Variants in AGBL4 observed in about 807,000 individuals in gnomAD.
The protein encoded by AGBL4 is cytosolic carboxypeptidase 6.
Under a neutral mutation model 66.4 loss-of-function variants are expected in AGBL4, and 58 were observed. The observed-to-expected ratio is 0.87, with a 90% CI of 0.71 to 1.09. AGBL4 has a LOEUF of 1.09. Ranked by LOEUF, AGBL4 falls within the 50% of genes least tolerant of loss-of-function variation. The pLI, the probability that AGBL4 is intolerant of heterozygous loss-of-function variation, is 0.00. For missense variants in AGBL4, 579 were observed against 631.0 expected, an observed-to-expected ratio of 0.92 and a Z score of 0.88; for synonymous variants, 234 against 222.9, an observed-to-expected ratio of 1.05 and a Z score of -0.44.
intron 3 of AGBL4, among the ~76,000 whole-genome samples, chr1:49,286,051 G>T (rs772861677): frequency 1.8e-4 from 28 of 152,180 alleles, no homozygotes; most frequent in Non-Finnish European, 3.7e-4. Context: ...TGCAAGGCTG[G>T]TTCAATATAC....
At chr1:48,564,999 C>T (rs1644453913) in intron 11 of AGBL4, among the ~76,000 whole-genome samples, 1 of 152,200 alleles carries the variant, frequency 6.6e-6, no homozygotes, top group Admixed American at 6.5e-5. Context: ...TCTGTGCTGT[C>T]TCCTCCCCTT....
At chr1:49,931,216 T>C (rs1653316272) in intron 1 of AGBL4, among the ~76,000 whole-genome samples, 1 of 152,100 alleles carries the variant, frequency 6.6e-6, no homozygotes, top group South Asian at 2.1e-4. Flanking sequence ...ATCTCTATAT[T>C]ATAAACTACA....
At chr1:48,614,971 G>GTGA (rs1645295735) in intron 9 of AGBL4, among the ~76,000 whole-genome samples, 1 of 152,086 alleles carries the variant, frequency 6.6e-6, no homozygotes, top group Non-Finnish European at 1.5e-5. Flanking sequence ...ATTTACAGCT[G>GTGA]TGACAATGAC....
intron 4 of AGBL4, among the ~76,000 whole-genome samples, chr1:49,124,195 C>T (rs1645719641): frequency 6.6e-6 from 1 of 152,142 alleles, no homozygotes; most frequent in South Asian, 2.1e-4. Context: ...AAATTCTAAG[C>T]ATGTATCTGA....
chr1:49,540,655 T>C, intron 3 of AGBL4, among the ~76,000 whole-genome samples: 2 of 152,312 alleles, frequency 1.3e-5, no homozygotes, highest in South Asian at 4.1e-4. Flanking sequence ...TATATATATA[T>C]TGTTTTCCTT....
chr1:48,676,405 AGT>A (rs1646366085), intron 6 of AGBL4, among the ~76,000 whole-genome samples: 1 of 152,222 alleles, frequency 6.6e-6, no homozygotes. Context: ...CTGCTCTCTG[AGT>A]GTGTGAGCCC....
At chr1:50,018,451 A>G (rs1662157819) in intron 1 of AGBL4, among the ~76,000 whole-genome samples, 1 of 152,158 alleles carries the variant, frequency 6.6e-6, no homozygotes, top group Non-Finnish European at 1.5e-5. Context: ...CATCAAATTC[A>G]TCTAAGAATG....
chr1:49,590,977 G>C (rs956345394), intron 3 of AGBL4, among the ~76,000 whole-genome samples: 7 of 151,936 alleles, frequency 4.6e-5, no homozygotes, highest in Non-Finnish European at 8.8e-5. Context: ...ATAAAAACAA[G>C]GATTACAAAA....
At chr1:49,057,158 T>C (rs912298664) in intron 4 of AGBL4, among the ~76,000 whole-genome samples, 2 of 152,166 alleles carry the variant, frequency 1.3e-5, no homozygotes, top group South Asian at 4.1e-4. Context: ...TCCAGCACTT[T>C]TGGAGATCAA....
chr1:48,747,466 G>A (rs1428832412), intron 6 of AGBL4, among the ~76,000 whole-genome samples: 1 of 152,168 alleles, frequency 6.6e-6, no homozygotes, highest in African/African-American at 2.4e-5. Flanking sequence ...CTCTGCAAGA[G>A]GCACTGGGGA....
chr1:48,795,196 A>G (rs185567934), intron 6 of AGBL4, among the ~76,000 whole-genome samples: 1 of 152,322 alleles, frequency 6.6e-6, no homozygotes, highest in Non-Finnish European at 1.5e-5. Context: ...GCTCAAATGC[A>G]AATTTGATCA....
intron 8 of AGBL4, among the ~76,000 whole-genome samples, chr1:48,636,146 A>G (rs138762134): frequency 1.4e-3 from 208 of 152,328 alleles, no homozygotes; most frequent in African/African-American, 4.9e-3. Context: ...AGTTCCCAGA[A>G]GTAGAATTGC....
chr1:49,724,411 A>C (rs1648853198), intron 2 of AGBL4, among the ~76,000 whole-genome samples: 1 of 152,202 alleles, frequency 6.6e-6, no homozygotes, highest in African/African-American at 2.4e-5. Flanking sequence ...AACAGCAAAC[A>C]TGACAGACAT....
chr1:49,377,924 G>C (rs150455744), intron 3 of AGBL4, among the ~76,000 whole-genome samples: 2 of 152,120 alleles, frequency 1.3e-5, no homozygotes, highest in East Asian at 3.9e-4. Context: ...TCAGTTCCAT[G>C]CTTGTGAGAC....
intron 3 of AGBL4, among the ~76,000 whole-genome samples, chr1:49,398,311 GTCTC>G (rs1398721839): frequency 1.4e-5 from 2 of 143,330 alleles, no homozygotes; most frequent in African/African-American, 5.2e-5. Context: ...GAGTCAGTCA[GTCTC>G]TCTCTCCCTC....
intron 3 of AGBL4, among the ~76,000 whole-genome samples, chr1:49,563,505 G>A (rs1644108674): frequency 6.6e-6 from 1 of 152,152 alleles, no homozygotes; most frequent in Admixed American, 6.6e-5. Context: ...TTTATTGAGA[G>A]TTTTTAGCAT....
At chr1:48,658,581 A>C (rs1428165224) in intron 7 of AGBL4, among the ~76,000 whole-genome samples, 4 of 152,074 alleles carry the variant, frequency 2.6e-5, no homozygotes, top group African/African-American at 9.7e-5. Flanking sequence ...CCTGCCCCCA[A>C]CTCTGCCCAT....
At chr1:49,999,083 C>A (rs1476243789) in intron 1 of AGBL4, among the ~76,000 whole-genome samples, 6 of 151,718 alleles carry the variant, frequency 4.0e-5, no homozygotes, top group Admixed American at 3.9e-4. Flanking sequence ...CCTAGCCAGG[C>A]CAATCTGACA....
intron 3 of AGBL4, among the ~76,000 whole-genome samples, chr1:49,463,062 T>G (rs1646549948): frequency 6.6e-6 from 1 of 151,836 alleles, no homozygotes. Context: ...AGGAAACTAA[T>G]GTTCTTTGAA....
Sources: gnomAD v4.1 joint callset for allele counts (sites outside exome capture counted in the v4.1 genomes callset) on GRCh38, gnomAD v4.1.1 for gene constraint, MANE v1.5 for transcripts, NCBI Gene and HGNC (gene_info 2026-07-23, HGNC 2026-07-21) for gene names.